F13A1: variants seen among roughly 807,000 people sequenced by gnomAD.
F13A1 encodes coagulation factor XIII A chain, also known as FSF, A subunit.
A neutral mutation model predicts 80.1 loss-of-function variants in F13A1; 47 were observed. That is an observed-to-expected ratio of 0.59 (90% CI 0.46 to 0.75). The LOEUF (loss-of-function observed/expected upper bound fraction) is 0.75, where lower values mean the gene tolerates loss of function less well. F13A1 is among the 30% of genes least tolerant of loss of function. The pLI, the probability that F13A1 is intolerant of heterozygous loss-of-function variation, is 0.00. For synonymous variants in F13A1, 349 were observed against 344.9 expected (o/e 1.01, Z -0.13); for missense variants, 817 against 930.4 (o/e 0.88, Z 1.59).
At chr6:6,234,599 GGAGA>G (rs1279539184) in intron 6 of F13A1, among the ~76,000 whole-genome samples, 1 of 151,964 alleles carries the variant, frequency 6.6e-6, no homozygotes, top group African/African-American at 2.4e-5. Flanking sequence ...AAAAAAGATA[GGAGA>G]AAGAGGAGAG....
chr6:6,163,471 C>T (rs1472395848), intron 13 of F13A1, among the ~76,000 whole-genome samples: 12 of 152,110 alleles, frequency 7.9e-5, no homozygotes, highest in Non-Finnish European at 1.8e-4. Flanking sequence ...TTTCCTGATC[C>T]TCTCCCTCCT....
At chr6:6,195,088 C>T (rs1761266259) in intron 10 of F13A1, among the ~76,000 whole-genome samples, 1 of 152,222 alleles carries the variant, frequency 6.6e-6, no homozygotes, top group Non-Finnish European at 1.5e-5. Flanking sequence ...GGCAGCCCAG[C>T]CTTCTCGTTT....
chr6:6,191,090 C>T (rs566062887), intron 10 of F13A1, among the ~76,000 whole-genome samples: 390 of 152,232 alleles, frequency 2.6e-3, no homozygotes, highest in African/African-American at 8.1e-3. Context: ...GGCTCGCGCA[C>T]GGTGCGTGCA....
chr6:6,171,123 T>C (rs1760764956), intron 12 of F13A1, among the ~76,000 whole-genome samples: 1 of 152,104 alleles, frequency 6.6e-6, no homozygotes, highest in Non-Finnish European at 1.5e-5. Context: ...ACAGGACACT[T>C]GTGAGGTGGG....
At chr6:6,174,322 A>G (rs959394685) in intron 12 of F13A1, among the ~76,000 whole-genome samples, 2 of 152,092 alleles carry the variant, frequency 1.3e-5, no homozygotes, top group Non-Finnish European at 2.9e-5. Flanking sequence ...CCCAGGAGGC[A>G]AAGGTTGCAG....
chr6:6,277,240 G>A lies in F13A1; in HGVS notation c.320-10431C>T, dbSNP rs1339028193. Among the ~76,000 whole-genome samples, 9 of 53,994 alleles carry A rather than the reference G, an allele frequency of 1.7e-4. 2 individuals are homozygous for A. The East Asian group carries it at 2.2e-3, about 13-fold the overall frequency. The allele number at this position is 53,994 out of a possible 152,430, so 35.4% of individuals were successfully genotyped here. ...GGTCCCAGCTACTTGGGAGGCTGAG[G>A]CAGGAGAATGGCGTGAACCCGGGAG... is the stretch of plus-strand genomic sequence containing the variant. On this transcript the variant is annotated intron_variant, in intron 3 of 14. Transcript: ENST00000264870.
intron 8 of F13A1, among the ~76,000 whole-genome samples, chr6:6,201,738 G>T (rs1211029437): frequency 6.6e-6 from 1 of 151,994 alleles, no homozygotes; most frequent in East Asian, 1.9e-4. Flanking sequence ...CTTGAGACAG[G>T]GTCTCATGTT....
At chr6:6,169,242 C>T (rs10223526) in intron 12 of F13A1, 4,941 of 152,374 alleles carry the variant, frequency 0.032, 169 homozygotes, top group African/African-American at 0.087. Context: ...GCCCTGCAGA[C>T]AGCCTGGGTT....
At chr6:6,320,218 A>G (rs1397732957) in intron 1 of F13A1, among the ~76,000 whole-genome samples, 1 of 152,126 alleles carries the variant, frequency 6.6e-6, no homozygotes, top group Non-Finnish European at 1.5e-5. Context: ...GTTCCAGTCT[A>G]GCAGGCTGTT....
chr6:6,240,094 A>C (rs934151248), intron 6 of F13A1, among the ~76,000 whole-genome samples: 1 of 152,156 alleles, frequency 6.6e-6, no homozygotes, highest in African/African-American at 2.4e-5. Context: ...CTTCAGAAAT[A>C]GCCTGTGTGA....
chr6:6,289,230 C>T (rs1218311633), intron 3 of F13A1, among the ~76,000 whole-genome samples: 3 of 152,068 alleles, frequency 2.0e-5, no homozygotes, highest in South Asian at 2.1e-4. Context: ...TGGTGGAGCT[C>T]GGGTTCTGAC....
intron 8 of F13A1, among the ~76,000 whole-genome samples, chr6:6,207,940 T>C (rs904914529): frequency 6.6e-6 from 1 of 152,136 alleles, no homozygotes; most frequent in Admixed American, 6.5e-5. Context: ...GAACAGGAAA[T>C]CTGATTTTAA....
rs745951439 is a variant in F13A1, at chr6:6,248,296, AGT to A, written c.798+14_798+15del. The stretch of plus-strand genomic sequence containing the variant: ...ACAGGTGTAACAGATTTTAGGTATC[AGT>A]AATTGCTGCTTACCATTGCAGACCC... On this transcript the variant is annotated intron_variant, in intron 6 of 14. Transcript: ENST00000264870. 2 of 1,602,586 alleles carry A rather than the reference AGT, an allele frequency of 1.2e-6. No homozygotes were observed. Among genetic ancestry groups the A allele is most frequent in the Non-Finnish European group, 1.7e-6 (2 of 1,169,678 alleles).
rs575095200 is a variant in F13A1, at chr6:6,292,886, C to A, written c.319+12465G>T. Among the ~76,000 whole-genome samples, 15 of 152,310 alleles carry A rather than the reference C, an allele frequency of 9.8e-5. No individual in the cohort carries two copies. In the South Asian group the frequency reaches 2.5e-3, roughly 25 times the overall value. On this transcript the variant is annotated intron_variant, in intron 3 of 14. Coordinates refer to ENST00000264870, the MANE Select transcript of F13A1 (RefSeq NM_000129.4). The stretch of plus-strand genomic sequence containing the variant: ...ACTTTCAGCTCTGCCCCATCCCTCT[C>A]CTCTGAAGAGACTGGAAAAAGGGAA...
chr6:6,233,941 A>C (rs1757383882), intron 6 of F13A1, among the ~76,000 whole-genome samples: 1 of 152,116 alleles, frequency 6.6e-6, no homozygotes, highest in Non-Finnish European at 1.5e-5. Flanking sequence ...CATACAAGGG[A>C]CATACCTTAA....
chr6:6,184,144 AT>A (rs1261320398), intron 10 of F13A1, among the ~76,000 whole-genome samples: 1 of 152,122 alleles, frequency 6.6e-6, no homozygotes, highest in African/African-American at 2.4e-5. Context: ...TTTATAAAGG[AT>A]TTAGTTTGAA....
At chr6:6,157,115 T>C (rs1760491697) in intron 13 of F13A1, among the ~76,000 whole-genome samples, 1 of 152,254 alleles carries the variant, frequency 6.6e-6, no homozygotes, top group African/African-American at 2.4e-5. Flanking sequence ...ATCCTGACTC[T>C]GGTTAATGAC....
chr6:6,226,323 A>C (rs1757275649), intron 6 of F13A1, among the ~76,000 whole-genome samples: 1 of 152,156 alleles, frequency 6.6e-6, no homozygotes, highest in Admixed American at 6.5e-5. Context: ...GCTTGTTAGG[A>C]ATTCAGAATC....
intron 8 of F13A1, among the ~76,000 whole-genome samples, chr6:6,204,447 T>C (rs148115671): frequency 6.6e-6 from 1 of 152,370 alleles, no homozygotes; most frequent in African/African-American, 2.4e-5. Context: ...GCACTGTCTA[T>C]CTTGCAAATC....
Sources: gnomAD v4.1 joint callset for allele counts (sites outside exome capture counted in the v4.1 genomes callset) on GRCh38, gnomAD v4.1.1 for gene constraint, MANE v1.5 for transcripts, NCBI Gene and HGNC (gene_info 2026-07-23, HGNC 2026-07-21) for gene names.